CIB4: variants seen among roughly 807,000 people sequenced by gnomAD.
CIB4 encodes calcium and integrin binding family member 4.
In CIB4, 25 loss-of-function variants were observed where a neutral mutation model predicts 25.8. The ratio of observed to expected loss-of-function variants is 0.97; its 90% CI spans 0.71 to 1.35. The LOEUF (loss-of-function observed/expected upper bound fraction) is 1.35, where lower values mean the gene tolerates loss of function less well. Ranked by LOEUF, CIB4 falls within the 40% of genes most tolerant of loss-of-function variation. The pLI is 0.00. For synonymous variants in CIB4, 75 were observed against 81.4 expected (o/e 0.92, Z 0.42); for missense variants, 235 against 228.2 (o/e 1.03, Z -0.19).
At chr2:26,623,742 G>A (rs72857979) in intron 3 of CIB4, 1 of 322,210 alleles carries the variant, frequency 3.1e-6, no homozygotes, top group Non-Finnish European at 6.5e-6. Flanking sequence ...AGGCCAGGGG[G>A]GTGAGGTGGC....
Position 26,589,063 on chromosome 2 carries a change from T to TTCC in CIB4, c.329-5168_329-5166dup, listed in dbSNP as rs747737014. 1.4e-3 allele frequency among the ~76,000 whole-genome samples: 66 copies of TTCC among 48,864 alleles called. 7 individuals are homozygous for TTCC. Among genetic ancestry groups the TTCC allele is most frequent in the Middle Eastern group, 9.8e-3 (1 of 102 alleles). 32.1% of individuals were successfully genotyped at this position (48,864 alleles called of 152,430 possible). ...CTTCTTCTTCTTCTTCTTCTTCCTC[T>TTCC]TCCTCTTCCTCTTCTTCTTCTTCTT... On this transcript the variant is annotated intron_variant, in intron 4 of 6. Transcript: ENST00000288861.
At chr2:26,595,008 A>G (rs1025729840) in intron 4 of CIB4, among the ~76,000 whole-genome samples, 168 bp downstream of exon 4, 5 of 151,348 alleles carry the variant, frequency 3.3e-5, no homozygotes, top group African/African-American at 1.2e-4. Context: ...GTCATTCTCA[A>G]TCTTTTTTTT....
intron 1 of CIB4, 47 bp downstream of exon 1, chr2:26,641,214 T>C (rs765242198): frequency 4.0e-6 from 6 of 1,515,564 alleles, no homozygotes; most frequent in Non-Finnish European, 5.5e-6. Flanking sequence ...CCACCTGCTT[T>C]AGGAAGCTCC....
chr2:26,631,345 C>T (rs78506384), intron 2 of CIB4, among the ~76,000 whole-genome samples: 15,988 of 152,122 alleles, frequency 0.11, 1,324 homozygotes, highest in East Asian at 0.33. Flanking sequence ...CATACTGGCA[C>T]GCACCTATAG....
chr2:26,632,492 C>T (rs1454017386), intron 2 of CIB4, among the ~76,000 whole-genome samples: 1 of 152,160 alleles, frequency 6.6e-6, no homozygotes, highest in Non-Finnish European at 1.5e-5. Flanking sequence ...TGCAGTGGCT[C>T]CTGCCTGTAA....
Position 26,582,846 on chromosome 2 carries a change from G to A in CIB4, c.506C>T (p.Ala169Val). The change falls in exon 6 of 7, where the codon GCC becomes GTC. Residue 169 changes from alanine (A) to valine (V), a missense_variant. Coordinates refer to ENST00000288861, the MANE Select transcript of CIB4 (RefSeq NM_001029881.3). ...TTACTTCATGAAATCTGGAGACTTG[G>A]CCATTGCATGTTCAAACTCTGAGAA... is the stretch of plus-strand genomic sequence containing the variant. ...LSFSEFEHAM[A>V]KSPDFMNSFR... The A allele has an allele frequency of 6.2e-7, 1 of 1,612,506 alleles. No individual in the cohort carries two copies.
chr2:26,603,062 T>A (rs1270221773), intron 3 of CIB4, among the ~76,000 whole-genome samples: 1 of 22,902 alleles, frequency 4.4e-5, no homozygotes, highest in Non-Finnish European at 8.5e-5. Context: ...AAAAACGGGG[T>A]GGGGTGGGGG....
chr2:26,629,341 C>A, intron 3 of CIB4, 69 bp downstream of exon 3: 1 of 1,019,848 alleles, frequency 9.8e-7, no homozygotes. Flanking sequence ...CCACCCCTCC[C>A]AGCACCCATC....
chr2:26,619,452 G>A (rs777427448), intron 3 of CIB4, among the ~76,000 whole-genome samples: 6 of 152,144 alleles, frequency 3.9e-5, no homozygotes, highest in Non-Finnish European at 8.8e-5. Flanking sequence ...CGATGAGGAG[G>A]GGATTTCTGT....
chr2:26,601,390 G>C (rs1204333042), intron 3 of CIB4, among the ~76,000 whole-genome samples: 1 of 151,726 alleles, frequency 6.6e-6, no homozygotes, highest in East Asian at 1.9e-4. Context: ...CCTGATTTAT[G>C]ACAAAGATAA....
At chr2:26,589,069 T>TTCTTCC (rs1668524319) in intron 4 of CIB4, among the ~76,000 whole-genome samples, 1 of 64,230 alleles carries the variant, frequency 1.6e-5, no homozygotes, top group Non-Finnish European at 2.9e-5. Flanking sequence ...CCTCTTCCTC[T>TTCTTCC]TCCTCTTCTT....
chr2:26,641,016 C>T (rs1669625413), intron 1 of CIB4, among the ~76,000 whole-genome samples: 1 of 152,226 alleles, frequency 6.6e-6, no homozygotes, highest in Non-Finnish European at 1.5e-5. Context: ...GGTCCCAACA[C>T]ATATTTGTAA....
At chr2:26,599,571 T>C (rs982991587) in intron 3 of CIB4, among the ~76,000 whole-genome samples, 5 of 152,178 alleles carry the variant, frequency 3.3e-5, no homozygotes, top group African/African-American at 4.8e-5. Context: ...AATACGCTAG[T>C]GACTCAATGA....
rs868330998 is a variant in CIB4, at chr2:26,604,020, G to A, written c.187-8703C>T. Among the ~76,000 whole-genome samples, 62 of 139,130 alleles carry A rather than the reference G, an allele frequency of 4.5e-4. 1 individual carries two copies. Among genetic ancestry groups the A allele is most frequent in the African/African-American group, 1.5e-3 (51 of 33,374 alleles). The allele number at this position is 139,130 out of a possible 152,430, so 91.3% of individuals were successfully genotyped here. On this transcript the variant is annotated intron_variant, in intron 3 of 6. Transcript: ENST00000288861. ...CATACCTTAAAAAAAAAAAAAAAAA[G>A]AAAGAAATATGAAGAAAACTACATC...
intron 1 of CIB4, among the ~76,000 whole-genome samples, chr2:26,640,854 G>A (rs1669621267): frequency 6.6e-6 from 1 of 152,178 alleles, no homozygotes; most frequent in South Asian, 2.1e-4. Context: ...GAGACAGATG[G>A]AGGAAGGTAA....
intron 4 of CIB4, among the ~76,000 whole-genome samples, chr2:26,594,445 G>A (rs1327387169): frequency 6.6e-6 from 1 of 152,248 alleles, no homozygotes; most frequent in Non-Finnish European, 1.5e-5. Context: ...AGTCCACCAT[G>A]TGGAGACTGG....
chr2:26,590,714 T>C (rs1275082275), intron 4 of CIB4, among the ~76,000 whole-genome samples: 1 of 152,240 alleles, frequency 6.6e-6, no homozygotes, highest in Non-Finnish European at 1.5e-5. Flanking sequence ...CCAGAGAGAA[T>C]TCAGGGTTGT....
chr2:26,590,550 TTCTCCTTTCCCTTTCTG>T (rs1668570421), intron 4 of CIB4, among the ~76,000 whole-genome samples: 3 of 152,274 alleles, frequency 2.0e-5, no homozygotes, highest in Non-Finnish European at 4.4e-5. Context: ...CATGCCCGCC[TTCTCCTTTCCCTTTCTG>T]TCTCCTTTCC....
intron 6 of CIB4, among the ~76,000 whole-genome samples, chr2:26,582,261 C>T (rs147813555): frequency 6.6e-6 from 1 of 152,322 alleles, no homozygotes; most frequent in Non-Finnish European, 1.5e-5. Context: ...CACGCGCTGC[C>T]TCCAGGGGGC....
Sources: gnomAD v4.1 joint callset for allele counts (sites outside exome capture counted in the v4.1 genomes callset) on GRCh38, gnomAD v4.1.1 for gene constraint, MANE v1.5 for transcripts, NCBI Gene and HGNC (gene_info 2026-07-23, HGNC 2026-07-21) for gene names.